Variants in TMEM106B observed in about 807,000 individuals in gnomAD.
The protein encoded by TMEM106B is transmembrane protein 106B.
Under a neutral mutation model 31.1 loss-of-function variants are expected in TMEM106B, and 15 were observed. The observed-to-expected ratio is 0.48, with a 90% CI of 0.32 to 0.74. The LOEUF (loss-of-function observed/expected upper bound fraction) is 0.74, where lower values mean the gene tolerates loss of function less well. Among genes scored for constraint, TMEM106B ranks in the 30% least tolerant of loss-of-function variants. The probability of loss-of-function intolerance (pLI) is 0.03; values close to 1 mark genes in which losing one functional copy is unlikely to be tolerated. For synonymous variants in TMEM106B, 126 were observed against 112.5 expected (o/e 1.12, Z -0.76); for missense variants, 283 against 327.3 (o/e 0.86, Z 1.04).
In TMEM106B at chr7:12,233,761, T is replaced by C. The variant is rs71536876; in HGVS notation, c.*1786T>C. ...ACTTCTCTGATACAGGTTCTGTTTGTATTTTTTATATCATTCTCATTTTCT... is the reference window on the plus strand; with the variant it reads ...ACTTCTCTGATACAGGTTCTGTTTGCATTTTTTATATCATTCTCATTTTCT... On this transcript the variant is annotated 3_prime_UTR_variant, in exon 8 of 8. Coordinates refer to ENST00000396668, the MANE Select transcript of TMEM106B (RefSeq NM_001134232.2). The C allele has an allele frequency of 6.6e-6, 1 of 151,598 alleles. No individual in the cohort carries two copies. Among genetic ancestry groups the C allele is most frequent in the East Asian group, 1.9e-4 (1 of 5,188 alleles). The allele number at this position is 151,598 out of a possible 1,614,324, so 9.4% of individuals were successfully genotyped here. A position where few individuals can be genotyped will look rare whatever the true frequency, so the allele number is the denominator to read the frequency against.
At chr7:12,222,306 T>C (rs1382318806) in intron 3 of TMEM106B, among the ~76,000 whole-genome samples, 1 of 152,126 alleles carries the variant, frequency 6.6e-6, no homozygotes, top group African/African-American at 2.4e-5. Context: ...AATGGAGACA[T>C]ATATTTTGTC....
chr7:12,237,519 G>A lies in TMEM106B; in HGVS notation c.*5544G>A, dbSNP rs571017455. On this transcript the variant is annotated 3_prime_UTR_variant, in exon 8 of 8. Coordinates refer to ENST00000396668, the MANE Select transcript of TMEM106B (RefSeq NM_001134232.2). Reference sequence around the variant, plus strand: ...ATTATAGACATACCTTGGATATATTGCAGGTTTGGTTCCACACCATATCGA... The same window carrying A: ...ATTATAGACATACCTTGGATATATTACAGGTTTGGTTCCACACCATATCGA... 2 of 151,934 alleles carry A rather than the reference G, an allele frequency of 1.3e-5. No homozygotes were observed. Among genetic ancestry groups the A allele is most frequent in the Non-Finnish European group, 2.9e-5 (2 of 67,994 alleles). The allele number at this position is 151,934 out of a possible 1,614,324, so 9.4% of individuals were successfully genotyped here.
rs763455309 is a variant in TMEM106B, at chr7:12,232,017, A to G, written c.*42A>G. The G allele has an allele frequency of 1.3e-6, 2 of 1,588,882 alleles. No homozygotes were observed. Among genetic ancestry groups the G allele is most frequent in the Non-Finnish European group, 8.6e-7 (1 of 1,162,222 alleles). On this transcript the variant is annotated 3_prime_UTR_variant, in exon 8 of 8. Transcript: ENST00000396668. ...ATTTAAAGAAGAAATATCTATTGAT[A>G]TTTCCTATACTCTCAATGAAGAGGT...
At chr7:12,215,067 G>A in intron 2 of TMEM106B, 40 bp downstream of exon 2, 1 of 1,556,780 alleles carries the variant, frequency 6.4e-7, no homozygotes, top group Non-Finnish European at 8.7e-7. Flanking sequence ...AATGATTTTA[G>A]GTATTTGCTC....
chr7:12,214,985 G>T lies in TMEM106B; in HGVS notation c.175G>T (p.Val59Phe). 6.2e-7 allele frequency: 1 copy of T among 1,614,004 alleles called. No homozygotes were observed. The highest frequency in any genetic ancestry group is 8.5e-7 in the Non-Finnish European group (1 of 1,179,924). The change falls in exon 2 of 8, where the codon GTC becomes TTC. Residue 59 changes from valine to phenylalanine, a missense_variant. By Grantham distance (50) the Val-to-Phe change is conservative (BLOSUM62 -1). Transcript: ENST00000396668. ...PYVEFTGRDS[V>F]TCPTCQGTGR... ...TGTGGAATTTACAGGAAGAGATAGT[G>T]TCACCTGCCCTACTTGTCAGGGAAC...
rs892602636 is a variant in TMEM106B at position 12,238,774 on chromosome 7, C to G, written c.*6799C>G. ...TTTGAAAGGAATTTTTTTTTCCAAGCAGGTCTCAACAATGGGCTTAAAATA... is the reference window on the plus strand; with the variant it reads ...TTTGAAAGGAATTTTTTTTTCCAAGGAGGTCTCAACAATGGGCTTAAAATA... On this transcript the variant is annotated 3_prime_UTR_variant, in exon 8 of 8. Coordinates refer to ENST00000396668, the MANE Select transcript of TMEM106B (RefSeq NM_001134232.2). 4.6e-5 allele frequency: 7 copies of G among 150,986 alleles called. No homozygotes were observed. The highest frequency in any genetic ancestry group is 1.7e-4 in the African/African-American group (7 of 41,296). The allele number at this position is 150,986 out of a possible 1,614,324, so 9.4% of individuals were successfully genotyped here.
chr7:12,227,080 G>C (rs7804433), intron 4 of TMEM106B, among the ~76,000 whole-genome samples: 2 of 151,756 alleles, frequency 1.3e-5, no homozygotes, highest in South Asian at 4.1e-4. Flanking sequence ...TCTATTTTAA[G>C]TAATTATGCA....
intron 4 of TMEM106B, among the ~76,000 whole-genome samples, chr7:12,226,564 G>T (rs956269293): frequency 6.6e-6 from 1 of 152,094 alleles, no homozygotes; most frequent in Non-Finnish European, 1.5e-5. Context: ...GTTTTTTCTT[G>T]CAGAGGTTAA....
At position 12,231,835 on chromosome 7, in the gene TMEM106B, A is replaced by T; in HGVS notation, c.687-2A>T. Reference sequence around the variant, plus strand: ...GTCTCTCCTCACTTACATTATTTTTAGAGTTACTGTGACAACAACATACTT... The same window carrying T: ...GTCTCTCCTCACTTACATTATTTTTTGAGTTACTGTGACAACAACATACTT... On this transcript the variant is annotated splice_acceptor_variant, in intron 7 of 7. Transcript: ENST00000396668. LOFTEE classifies it high-confidence loss of function. 1.3e-6 allele frequency: 2 copies of T among 1,591,796 alleles called. No individual in the cohort carries two copies. The highest frequency in any genetic ancestry group is 1.7e-6 in the Non-Finnish European group (2 of 1,165,274).
At chr7:12,216,554 A>G (rs1269568606) in intron 2 of TMEM106B, among the ~76,000 whole-genome samples, 1 of 152,158 alleles carries the variant, frequency 6.6e-6, no homozygotes, top group South Asian at 2.1e-4. Context: ...TTACCAATGT[A>G]TAGATGACAC....
At chr7:12,212,493 G>GTTTTT (rs56761518) in intron 1 of TMEM106B, among the ~76,000 whole-genome samples, 1 of 148,744 alleles carries the variant, frequency 6.7e-6, no homozygotes, top group African/African-American at 2.5e-5. Context: ...TAAATACATA[G>GTTTTT]TTTTTTTTTT....
chr7:12,235,166 A>G lies in TMEM106B; in HGVS notation c.*3191A>G, dbSNP rs1782106710. On this transcript the variant is annotated 3_prime_UTR_variant, in exon 8 of 8. Coordinates refer to ENST00000396668, the MANE Select transcript of TMEM106B (RefSeq NM_001134232.2). ...GAACACTTATAAAATGCTTTGGAAC[A>G]TAATCTTTAGCTTAATTTTCTGTTA... The G allele has an allele frequency of 6.6e-6, 1 of 152,370 alleles. No homozygotes were observed. The highest frequency in any genetic ancestry group is 2.1e-4 in the South Asian group (1 of 4,834). 9.4% of individuals were successfully genotyped at this position (152,370 alleles called of 1,614,324 possible).
intron 4 of TMEM106B, 25 bp downstream of exon 4, chr7:12,224,410 T>C: frequency 1.3e-6 from 2 of 1,576,958 alleles, no homozygotes; most frequent in Non-Finnish European, 8.7e-7. Flanking sequence ...ATATGAAAAA[T>C]GTTTAACTTC....
chr7:12,220,438 G>C (rs1372970051), intron 3 of TMEM106B, among the ~76,000 whole-genome samples: 1 of 152,120 alleles, frequency 6.6e-6, no homozygotes, highest in East Asian at 1.9e-4. Flanking sequence ...AATTTGAGAA[G>C]AAAAAGGCCA....
At chr7:12,215,276 C>T (rs1316676911) in intron 2 of TMEM106B, among the ~76,000 whole-genome samples, 1 of 152,170 alleles carries the variant, frequency 6.6e-6, no homozygotes, top group Non-Finnish European at 1.5e-5. Flanking sequence ...GCTATTATAG[C>T]AGATATTCAC....
intron 1 of TMEM106B, among the ~76,000 whole-genome samples, chr7:12,211,831 A>T (rs1476951121): frequency 6.6e-6 from 1 of 152,198 alleles, no homozygotes; most frequent in Non-Finnish European, 1.5e-5. Context: ...TTAGAACTAA[A>T]ACCAGTGTCT....
chr7:12,221,601 GAGAAAGCAAAA>G (rs1163254403), intron 3 of TMEM106B, among the ~76,000 whole-genome samples: 1 of 152,186 alleles, frequency 6.6e-6, no homozygotes, highest in African/African-American at 2.4e-5. Context: ...AGTGATTCCT[GAGAAAGCAAAA>G]ACAAAGGAGA....
intron 2 of TMEM106B, among the ~76,000 whole-genome samples, chr7:12,215,349 T>G (rs543474766): frequency 6.6e-6 from 1 of 152,208 alleles, no homozygotes; most frequent in African/African-American, 2.4e-5. Context: ...CATAGTTACT[T>G]GCTACTTTGC....
At chr7:12,212,177 C>T (rs1365614531) in intron 1 of TMEM106B, among the ~76,000 whole-genome samples, 2 of 152,182 alleles carry the variant, frequency 1.3e-5, no homozygotes, top group Admixed American at 1.3e-4. Context: ...AGAAAACAGG[C>T]TCAAACGGAG....
Sources: allele counts gnomAD v4.1 joint callset (sites outside exome capture counted in the v4.1 genomes callset), GRCh38; gene constraint gnomAD v4.1.1; transcripts MANE v1.5; gene names NCBI Gene and HGNC (gene_info 2026-07-23, HGNC 2026-07-21).